Variants in PXN observed in about 807,000 individuals in gnomAD.
PXN encodes testicular tissue protein Li 134.
Under a neutral mutation model 103.6 loss-of-function variants are expected in PXN, and 61 were observed. The observed-to-expected ratio is 0.59, with a 90% CI of 0.48 to 0.73. The LOEUF (loss-of-function observed/expected upper bound fraction) is 0.73, where lower values mean the gene tolerates loss of function less well. PXN is among the 30% of genes least tolerant of loss of function. The probability of loss-of-function intolerance (pLI) is 0.00; values close to 1 mark genes in which losing one functional copy is unlikely to be tolerated. For missense variants in PXN, 1,274 were observed against 1,460.3 expected, an observed-to-expected ratio of 0.87 and a Z score of 2.08; for synonymous variants, 562 against 607.8, an observed-to-expected ratio of 0.92 and a Z score of 1.11.
intron 1 of PXN, among the ~76,000 whole-genome samples, chr12:120,255,536 C>T (rs1185578465): frequency 7.3e-4 from 110 of 150,594 alleles, no homozygotes; most frequent in Non-Finnish European, 3.0e-4. Flanking sequence ...TCTACTAAAA[C>T]CACAAAAATT....
chr12:120,263,017 G>T (rs547416794), intron 1 of PXN, among the ~76,000 whole-genome samples: 1 of 152,012 alleles, frequency 6.6e-6, no homozygotes, highest in Admixed American at 6.6e-5. Flanking sequence ...TTTTTTATTA[G>T]ACCAAAAAAC....
intron 1 of PXN, among the ~76,000 whole-genome samples, chr12:120,249,592 T>C (rs748896411): frequency 6.6e-6 from 1 of 152,170 alleles, no homozygotes; most frequent in Non-Finnish European, 1.5e-5. Flanking sequence ...AGCTGTCTCC[T>C]GGTCACTGTT....
chr12:120,237,205 C>A (rs749160301), intron 1 of PXN, among the ~76,000 whole-genome samples: 1 of 151,198 alleles, frequency 6.6e-6, no homozygotes, highest in Non-Finnish European at 1.5e-5. Context: ...ATTGCCCAGG[C>A]TGGGGTACAG....
rs546836300 is a variant in PXN, at chr12:120,224,740, G to A, written c.14-363C>T. ...TGGAACTCTGAATCTGCAGGGCAAC[G>A]CGGAGAGAATGGGCGGGAGGGGCCC... On this transcript the variant is annotated intron_variant, in intron 1 of 14. Transcript: ENST00000637617. This position sits in a 1 kb window ranked among gnomAD's most constrained non-coding sequence, Gnocchi z 5.0. The A allele has an allele frequency of 2.9e-4, 148 of 514,556 alleles. No homozygotes were observed. Among genetic ancestry groups the A allele is most frequent in the Non-Finnish European group, 4.4e-4 (117 of 265,488 alleles). The allele number at this position is 514,556 out of a possible 1,614,324, so 31.9% of individuals were successfully genotyped here.
At chr12:120,226,382 C>G (rs770918062) in intron 1 of PXN, 1 of 1,289,222 alleles carries the variant, frequency 7.8e-7, no homozygotes, top group Non-Finnish European at 1.0e-6. Context: ...CACAACGCCA[C>G]CAGCACAGAT....
chr12:120,231,381 A>T (rs892584428), intron 1 of PXN, among the ~76,000 whole-genome samples: 1 of 152,220 alleles, frequency 6.6e-6, no homozygotes, highest in Non-Finnish European at 1.5e-5. Context: ...TGTCATTTAA[A>T]TATTTAATAG....
In PXN at chr12:120,221,707, G is replaced by A. The variant is rs745800009; in HGVS notation, c.747C>T (p.Thr249=). 2.3e-5 allele frequency: 36 copies of A among 1,571,560 alleles called. No homozygotes were observed. The Admixed American group carries it at 6.7e-4, about 29-fold the overall frequency. ...AGATGCGTGTCTGCTGTTGGGTGGA[G>A]GTGACGCGCTGCGGGCTGCTCATCT... ...QGEMSSPQRV[T]STQQQTRISA... The change falls in exon 6 of 15, where the codon ACC becomes ACT. Residue 249 remains threonine (T), a synonymous_variant. Coordinates refer to ENST00000637617, the MANE Select transcript of PXN (RefSeq NM_001385981.1). The surrounding 1 kb of genome is among the most constrained non-coding windows in gnomAD (Gnocchi z 6.6).
At chr12:120,223,393 G>A (rs1052939867) in intron 3 of PXN, among the ~76,000 whole-genome samples, 2 of 151,358 alleles carry the variant, frequency 1.3e-5, no homozygotes, top group Non-Finnish European at 2.9e-5. Context: ...GAGATCGCGC[G>A]ACTGCACTCC....
intron 1 of PXN, among the ~76,000 whole-genome samples, chr12:120,255,135 G>A (rs993882367): frequency 6.6e-6 from 1 of 152,200 alleles, no homozygotes; most frequent in African/African-American, 2.4e-5. Flanking sequence ...GGAGTCACCA[G>A]CACACAGGTT....
At position 120,216,943 on chromosome 12, in the gene PXN, CGGCTCCTCT is replaced by C; in HGVS notation, c.1881_1889del (p.Glu628_Pro630del). The C allele has an allele frequency of 6.5e-7, 1 of 1,532,566 alleles. No homozygotes were observed. Among genetic ancestry groups the C allele is most frequent in the African/African-American group, 1.4e-5 (1 of 73,106 alleles). The allele number at this position is 1,532,566 out of a possible 1,614,324, so 94.9% of individuals were successfully genotyped here. On this transcript the variant is annotated inframe_deletion, in exon 8 of 15. Transcript: ENST00000637617. The surrounding 1 kb of genome is among the most constrained non-coding windows in gnomAD (Gnocchi z 5.1). ...GGGCAGAGGGCCCCGCCGCCTCCGC[CGGCTCCTCT>C]GCCTCAGGCTGGATGCCCAGCCGCC... is the stretch of plus-strand genomic sequence containing the variant.
intron 1 of PXN, chr12:120,226,006 G>A: frequency 8.5e-6 from 9 of 1,055,752 alleles, no homozygotes; most frequent in Non-Finnish European, 1.0e-5. Flanking sequence ...AGGTCCTACA[G>A]CCCGCCCCGC....
chr12:120,215,875 C>G lies in PXN; in HGVS notation c.2302-214G>C, dbSNP rs1882760729. Reference sequence around the variant, plus strand: ...AAGAAGGACAGGGAGGGGAGTCGACCAAAGGCAGAGGAAATGGCAAGGGGA... The same window carrying G: ...AAGAAGGACAGGGAGGGGAGTCGACGAAAGGCAGAGGAAATGGCAAGGGGA... On this transcript the variant is annotated intron_variant, in intron 9 of 14. Coordinates refer to ENST00000637617, the MANE Select transcript of PXN (RefSeq NM_001385981.1). This position sits in a 1 kb window ranked among gnomAD's most constrained non-coding sequence, Gnocchi z 4.9. 1.5e-6 allele frequency: 2 copies of G among 1,345,054 alleles called. No individual in the cohort carries two copies. Among genetic ancestry groups the G allele is most frequent in the East Asian group, 2.7e-5 (1 of 36,770 alleles). The allele number at this position is 1,345,054 out of a possible 1,614,324, so 83.3% of individuals were successfully genotyped here.
intron 1 of PXN, among the ~76,000 whole-genome samples, chr12:120,263,183 C>A (rs1352345239): frequency 6.6e-6 from 1 of 152,150 alleles, no homozygotes; most frequent in Non-Finnish European, 1.5e-5. Flanking sequence ...CTAAGGAAAA[C>A]AGCTGAGCCA....
In PXN at chr12:120,216,050, C is replaced by T; in HGVS notation, c.2301+223G>A. The T allele has an allele frequency of 1.5e-6, 2 of 1,321,928 alleles. No homozygotes were observed. Among genetic ancestry groups the T allele is most frequent in the Admixed American group, 3.4e-5 (1 of 29,136 alleles). 81.9% of individuals were successfully genotyped at this position (1,321,928 alleles called of 1,614,324 possible). On this transcript the variant is annotated intron_variant, in intron 9 of 14. Coordinates refer to ENST00000637617, the MANE Select transcript of PXN (RefSeq NM_001385981.1). This position sits in a 1 kb window ranked among gnomAD's most constrained non-coding sequence, Gnocchi z 5.1. ...GAGGACCAGTCGAGGAAGGAGCAGACATGGGTGGACCCACAGAAAAGCAAG... is the reference window on the plus strand; with the variant it reads ...GAGGACCAGTCGAGGAAGGAGCAGATATGGGTGGACCCACAGAAAAGCAAG...
At chr12:120,234,479 C>T (rs1888649587) in intron 1 of PXN, among the ~76,000 whole-genome samples, 1 of 152,136 alleles carries the variant, frequency 6.6e-6, no homozygotes, top group African/African-American at 2.4e-5. Context: ...TTAAGCAGCA[C>T]CACAAAGCCC....
At chr12:120,261,012 A>G (rs1197206340) in intron 1 of PXN, among the ~76,000 whole-genome samples, 2 of 152,214 alleles carry the variant, frequency 1.3e-5, no homozygotes, top group Admixed American at 6.5e-5. Flanking sequence ...CACTAGTTGT[A>G]GAACTTGGGC....
At chr12:120,223,860 T>C in intron 2 of PXN, 27 bp from the exon 3 acceptor site, 1 of 1,515,316 alleles carries the variant, frequency 6.6e-7, no homozygotes, top group Non-Finnish European at 9.0e-7. Flanking sequence ...GCTCAGAGGC[T>C]ACCCCGAGGG....
At position 120,222,011 on chromosome 12, in the gene PXN, C is replaced by T. The variant is rs577950929; in HGVS notation, c.696-253G>A. 5.9e-5 allele frequency among the ~76,000 whole-genome samples: 9 copies of T among 152,296 alleles called. No individual in the cohort carries two copies. In the South Asian group the frequency reaches 1.7e-3, roughly 28 times the overall value. ...AGCTGGCCTGCGAAACAAGCCCAAG[C>T]GCCCTGTGTTTCCTCCACAACACTG... On this transcript the variant is annotated intron_variant, in intron 5 of 14. Coordinates refer to ENST00000637617, the MANE Select transcript of PXN (RefSeq NM_001385981.1). This position sits in a 1 kb window ranked among gnomAD's most constrained non-coding sequence, Gnocchi z 4.7.
chr12:120,218,920 T>C (rs1884143603), intron 7 of PXN, among the ~76,000 whole-genome samples: 1 of 152,148 alleles, frequency 6.6e-6, no homozygotes, highest in Non-Finnish European at 1.5e-5. Context: ...GTCTATCTGG[T>C]TCCAAAGTCC....
Sources: allele counts gnomAD v4.1 joint callset (sites outside exome capture counted in the v4.1 genomes callset), GRCh38; gene constraint gnomAD v4.1.1; non-coding constraint Gnocchi (gnomAD v3.1); transcripts MANE v1.5; gene names NCBI Gene and HGNC (gene_info 2026-07-23, HGNC 2026-07-21).